The following ROCK2 variants were observed in gnomAD, a reference collection of about 807,000 sequenced individuals.
The protein encoded by ROCK2 is rho-associated protein kinase 2.
Under a neutral mutation model 195.1 loss-of-function variants are expected in ROCK2, and 61 were observed. The ratio of observed to expected loss-of-function variants is 0.31; its 90% CI spans 0.25 to 0.39. ROCK2 has a LOEUF of 0.39. Among genes scored for constraint, ROCK2 ranks in the 10% least tolerant of loss-of-function variants. The probability of loss-of-function intolerance (pLI) is 1.00; values close to 1 mark genes in which losing one functional copy is unlikely to be tolerated. For missense variants in ROCK2, 1,109 were observed against 1,637.4 expected (o/e 0.68, Z 5.57); for synonymous variants, 504 against 545.5 (o/e 0.92, Z 1.06).
Position 11,197,188 on chromosome 2 carries a change from C to T in ROCK2, c.3440G>A (p.Gly1147Glu). ...SGPGDAEADD[G>E]FPESRLEGWL... is the part of the protein sequence containing the mutation. ...TGAAAACAAATCCATACCTGGAAAC[C>T]CATCATCTGCCTCAGCATCCCCTGG... Residue 1147 changes from glycine to glutamate, a missense_variant, in exon 27 of 33, where the codon GGG (glycine) becomes GAG (glutamate). Coordinates refer to ENST00000315872, the MANE Select transcript of ROCK2 (RefSeq NM_004850.5). This position sits in a 1 kb window ranked among gnomAD's most constrained non-coding sequence, Gnocchi z 4.9. The T allele has an allele frequency of 6.2e-7, 1 of 1,600,770 alleles. No individual in the cohort carries two copies. Among genetic ancestry groups the T allele is most frequent in the Non-Finnish European group, 8.5e-7 (1 of 1,175,458 alleles).
At chr2:11,228,896 A>G (rs903168947) in intron 5 of ROCK2, among the ~76,000 whole-genome samples, 2 of 152,072 alleles carry the variant, frequency 1.3e-5, no homozygotes, top group Non-Finnish European at 2.9e-5. Context: ...TAAAGGACGG[A>G]TAAGCTAGGG....
At chr2:11,214,737 G>A in intron 16 of ROCK2, 103 bp downstream of exon 16, 1 of 1,031,518 alleles carries the variant, frequency 9.7e-7, no homozygotes, top group East Asian at 2.5e-5. Context: ...TTACATAATA[G>A]TATATTCAGA....
At chr2:11,206,784 T>A (rs1193934167) in intron 20 of ROCK2, among the ~76,000 whole-genome samples, 1 of 152,228 alleles carries the variant, frequency 6.6e-6, no homozygotes, top group Non-Finnish European at 1.5e-5. Flanking sequence ...ATGCTTTAAA[T>A]AAACCATTGC....
chr2:11,200,141 A>G (rs1663799803), intron 23 of ROCK2, among the ~76,000 whole-genome samples: 2 of 152,140 alleles, frequency 1.3e-5, no homozygotes, highest in Non-Finnish European at 2.9e-5. Flanking sequence ...TTTTCTTCCA[A>G]ATTCTTTAAT....
At position 11,182,051 on chromosome 2, in the gene ROCK2, CT is replaced by C. The variant is rs1351837575; in HGVS notation, c.*1385del. 5 of 152,120 alleles carry C rather than the reference CT, an allele frequency of 3.3e-5. No homozygotes were observed. In the East Asian group the frequency reaches 7.7e-4, roughly 23 times the overall value. 9.4% of individuals were successfully genotyped at this position (152,120 alleles called of 1,614,324 possible). On this transcript the variant is annotated 3_prime_UTR_variant, in exon 33 of 33. Transcript: ENST00000315872. ...AAAAAAAACTTTACGCTTACCATTG[CT>C]GCATATTGTTGCAGTATAAAACACA... is the stretch of plus-strand genomic sequence containing the variant.
intron 3 of ROCK2, among the ~76,000 whole-genome samples, chr2:11,268,488 T>TG (rs139318888): frequency 6.7e-5 from 10 of 149,764 alleles, no homozygotes; most frequent in African/African-American, 2.2e-4. Context: ...GTTTTTTTCC[T>TG]TGTGTGTGTG....
chr2:11,265,084 A>G (rs766532659), intron 3 of ROCK2, among the ~76,000 whole-genome samples: 7 of 151,928 alleles, frequency 4.6e-5, no homozygotes, highest in African/African-American at 7.3e-5. Flanking sequence ...CATAATAGTA[A>G]TAATACTTAC....
At chr2:11,280,293 G>A (rs955209217) in intron 3 of ROCK2, among the ~76,000 whole-genome samples, 1 of 151,986 alleles carries the variant, frequency 6.6e-6, no homozygotes, top group African/African-American at 2.4e-5. Flanking sequence ...CAGAAATGAA[G>A]GAGGGAAAAC....
At position 11,344,232 on chromosome 2, in the gene ROCK2, C is replaced by T. The variant is rs1205672660; in HGVS notation, c.-96G>A. ...CCCGAACCACCAGCTCCGGCCGGGA[C>T]TCCACCCGGGCCCACCGCCTGCCTC... On this transcript the variant is annotated 5_prime_UTR_variant, in exon 1 of 33. Transcript: ENST00000315872. The surrounding 1 kb of genome is among the most constrained non-coding windows in gnomAD (Gnocchi z 5.4). 3.0e-6 allele frequency: 4 copies of T among 1,318,212 alleles called. No homozygotes were observed. The highest frequency in any genetic ancestry group is 3.9e-6 in the Non-Finnish European group (4 of 1,038,054). 81.7% of individuals were successfully genotyped at this position (1,318,212 alleles called of 1,614,324 possible). A position where few individuals can be genotyped will look rare whatever the true frequency, so the allele number is the denominator to read the frequency against.
At chr2:11,294,190 G>C (rs1391829661) in intron 1 of ROCK2, among the ~76,000 whole-genome samples, 1 of 151,850 alleles carries the variant, frequency 6.6e-6, no homozygotes, top group Non-Finnish European at 1.5e-5. Flanking sequence ...AAGACAAAGA[G>C]AGAGAGAAAG....
chr2:11,214,046 T>A (rs557393344), intron 17 of ROCK2, among the ~76,000 whole-genome samples: 1 of 152,338 alleles, frequency 6.6e-6, no homozygotes, highest in African/African-American at 2.4e-5. Flanking sequence ...GGTGACTTTA[T>A]ATATGGCATT....
intron 1 of ROCK2, among the ~76,000 whole-genome samples, chr2:11,291,097 A>G (rs1667348939): frequency 6.6e-6 from 1 of 152,214 alleles, no homozygotes; most frequent in Admixed American, 6.5e-5. Flanking sequence ...CCAAACACCC[A>G]GTTTCCCCTA....
At chr2:11,244,953 TAATTA>T (rs903535421) in intron 4 of ROCK2, among the ~76,000 whole-genome samples, 1 of 151,962 alleles carries the variant, frequency 6.6e-6, no homozygotes, top group Non-Finnish European at 1.5e-5. Context: ...CATGTTTAAA[TAATTA>T]AATTAAATTA....
chr2:11,243,326 A>G (rs557797932), intron 4 of ROCK2, among the ~76,000 whole-genome samples: 1 of 152,222 alleles, frequency 6.6e-6, no homozygotes. Flanking sequence ...GGAAATATCC[A>G]TATTTCAAAA....
At chr2:11,338,404 A>G (rs1293854018) in intron 1 of ROCK2, among the ~76,000 whole-genome samples, 1 of 152,202 alleles carries the variant, frequency 6.6e-6, no homozygotes, top group African/African-American at 2.4e-5. Flanking sequence ...TGTATCCATG[A>G]ATCCAACCAT....
intron 1 of ROCK2, among the ~76,000 whole-genome samples, chr2:11,298,471 A>C (rs1199222915): frequency 3.6e-5 from 5 of 137,758 alleles, no homozygotes; most frequent in African/African-American, 1.5e-4. Context: ...CTCCATCTCA[A>C]AAAAAAAAAA....
In ROCK2 at chr2:11,221,376, T is replaced by G. The variant is rs1664631881; in HGVS notation, c.1100-19A>C. On this transcript the variant is annotated intron_variant, in intron 8 of 32. Transcript: ENST00000315872. ...GCTGCCGCTATTAAAAGAAAAGAAA[T>G]AAATTATTTCATTCACAACCAAAAT... The G allele has an allele frequency of 6.6e-7, 1 of 1,512,182 alleles. No individual in the cohort carries two copies. Among genetic ancestry groups the G allele is most frequent in the African/African-American group, 1.4e-5 (1 of 69,110 alleles). The allele number at this position is 1,512,182 out of a possible 1,614,324, so 93.7% of individuals were successfully genotyped here. A position where few individuals can be genotyped will look rare whatever the true frequency, so the allele number is the denominator to read the frequency against.
At chr2:11,269,660 G>GT (rs1666555794) in intron 3 of ROCK2, among the ~76,000 whole-genome samples, 1 of 152,138 alleles carries the variant, frequency 6.6e-6, no homozygotes, top group African/African-American at 2.4e-5. Flanking sequence ...TATTCTGCCG[G>GT]TGTGATTGTT....
intron 3 of ROCK2, among the ~76,000 whole-genome samples, chr2:11,274,408 T>C (rs1666755868): frequency 6.6e-6 from 1 of 152,064 alleles, no homozygotes; most frequent in South Asian, 2.1e-4. Context: ...CTCAAATTAT[T>C]AAAATCAGAA....
Sources: allele counts gnomAD v4.1 joint callset (sites outside exome capture counted in the v4.1 genomes callset), GRCh38; gene constraint gnomAD v4.1.1; non-coding constraint Gnocchi (gnomAD v3.1); transcripts MANE v1.5; gene names NCBI Gene and HGNC (gene_info 2026-07-23, HGNC 2026-07-21).